COMMD5: variants seen among roughly 807,000 people sequenced by gnomAD.
COMMD5 encodes the protein COMM domain-containing protein 5.
A neutral mutation model predicts 6.9 loss-of-function variants in COMMD5; 10 were observed. That is an observed-to-expected ratio of 1.44 (90% CI 0.89 to 2.45). The LOEUF (loss-of-function observed/expected upper bound fraction) is 2.45, where lower values mean the gene tolerates loss of function less well. Ranked by LOEUF, COMMD5 falls within the 30% of genes most tolerant of loss-of-function variation. The pLI is 0.00. For missense variants in COMMD5, 234 were observed against 287.8 expected (o/e 0.81, Z 1.35); for synonymous variants, 127 against 125.3 (o/e 1.01, Z -0.09).
exon 2 of COMMD5, chr8:144,841,338 G>C (rs567693641): frequency 1.3e-6 from 2 of 1,589,628 alleles, no homozygotes; most frequent in Non-Finnish European, 1.7e-6. Context: ...GAACGTCTTT[G>C]TTCCTGTTTA....
intron 1 of COMMD5, chr8:144,842,397 G>C (rs1160628932): frequency 6.2e-7 from 1 of 1,613,924 alleles, no homozygotes; most frequent in Non-Finnish European, 8.5e-7. Flanking sequence ...GCCTGAGTCA[G>C]CATCAGCTGA....
chr8:144,847,854 CT>C (rs1830585986), downstream of COMMD5, among the ~76,000 whole-genome samples: 2 of 152,156 alleles, frequency 1.3e-5, no homozygotes, highest in South Asian at 4.1e-4. Context: ...TGTGCAAGGC[CT>C]TGTGCAAGCC....
At chr8:144,842,728 A>G (rs1259134652) in intron 1 of COMMD5, 1 of 1,614,150 alleles carries the variant, frequency 6.2e-7, no homozygotes, top group Admixed American at 1.7e-5. Context: ...CACACAGCTT[A>G]CAATACATCA....
chr8:144,842,673 G>A (rs781175829), intron 1 of COMMD5: 1 of 1,614,170 alleles, frequency 6.2e-7, no homozygotes, highest in Non-Finnish European at 8.5e-7. Flanking sequence ...ATAAAGGAGA[G>A]AAGCCCTACG....
rs1337902831 is a variant in COMMD5 at position 144,850,976 on chromosome 8, G to A, written c.363C>T (p.Asp121=). 3.1e-6 allele frequency: 5 copies of A among 1,611,956 alleles called. No individual in the cohort carries two copies. Among genetic ancestry groups the A allele is most frequent in the Non-Finnish European group, 4.2e-6 (5 of 1,179,548 alleles). Residue 121 remains aspartate (D), a synonymous_variant, in exon 2 of 2, where the codon GAC becomes GAT. Transcript: ENST00000305103. The surrounding 1 kb of genome is among the most constrained non-coding windows in gnomAD (Gnocchi z 4.0). The part of the protein sequence containing the change: ...DQLQELCIPQ[D]LVGDLASVVF... ...CCACGCTGGCCAAGTCCCCGACCAG[G>A]TCTTGGGGGATGCAGAGCTCCTGGA...
chr8:144,838,475 A>C (rs1829355610), downstream of COMMD5: 1 of 299,622 alleles, frequency 3.3e-6, no homozygotes, highest in African/African-American at 2.2e-5. Context: ...CAGCATGACA[A>C]GGGAGATGGG....
At chr8:144,841,216 C>G in exon 2 of COMMD5, 1 of 834,200 alleles carries the variant, frequency 1.2e-6, no homozygotes, top group Non-Finnish European at 1.9e-6. Context: ...TCTGCCTTCT[C>G]TTGCACGTTT....
intron 1 of COMMD5, among the ~76,000 whole-genome samples, chr8:144,851,912 C>T (rs1004824463): frequency 1.3e-5 from 2 of 152,094 alleles, no homozygotes; most frequent in Admixed American, 1.3e-4. Context: ...GTGAGGCCAG[C>T]GGATCGCTTG....
downstream of COMMD5, among the ~76,000 whole-genome samples, chr8:144,849,606 G>T (rs1209892): frequency 1.6e-4 from 25 of 151,884 alleles, no homozygotes; most frequent in African/African-American, 6.1e-4. Context: ...TCAGCTGGAA[G>T]CCAGCTGACC....
At chr8:144,841,934 A>T (rs1829976051) in intron 1 of COMMD5, 1 of 1,613,948 alleles carries the variant, frequency 6.2e-7, no homozygotes, top group African/African-American at 1.3e-5. Context: ...ACGGGAGAGA[A>T]ACCCTTTAAA....
At chr8:144,852,036 G>A (rs1212328161) in intron 1 of COMMD5, among the ~76,000 whole-genome samples, 4 of 151,968 alleles carry the variant, frequency 2.6e-5, no homozygotes, top group South Asian at 2.1e-4. Flanking sequence ...CTACTCAGAA[G>A]GCTGAGAGGA....
At chr8:144,849,874 A>G (rs1455413173), downstream of COMMD5, among the ~76,000 whole-genome samples, 1 of 151,658 alleles carries the variant, frequency 6.6e-6, no homozygotes, top group Non-Finnish European at 1.5e-5. Context: ...TCTGTCACTC[A>G]GAATTGAGCC....
intron 1 of COMMD5, among the ~76,000 whole-genome samples, chr8:144,844,948 G>A (rs1830431135): frequency 1.3e-5 from 2 of 151,854 alleles, no homozygotes; most frequent in Admixed American, 6.6e-5. Flanking sequence ...GGGGAAAAAC[G>A]ATGGTAGGGA....
In COMMD5 at chr8:144,851,050, G is replaced by GGGCC; in HGVS notation, c.285_288dup (p.Leu97GlyfsTer12). On this transcript the variant is annotated frameshift_variant, in exon 2 of 2. Coordinates refer to ENST00000305103, the MANE Select transcript of COMMD5 (RefSeq NM_014066.4). LOFTEE classifies it high-confidence loss of function. ...TTCAGGCTGGTGGGGGGCAGACGGA[G>GGGCC]GGCCTGCTGGAGCAGTGTGTGCATG... 6.2e-7 allele frequency: 1 copy of GGGCC among 1,612,504 alleles called. No homozygotes were observed. Among genetic ancestry groups the GGGCC allele is most frequent in the Non-Finnish European group, 8.5e-7 (1 of 1,179,810 alleles).
In COMMD5 at chr8:144,850,592, G is replaced by T; in HGVS notation, c.*72C>A. 2 of 1,519,044 alleles carry T rather than the reference G, an allele frequency of 1.3e-6. No individual in the cohort carries two copies. The highest frequency in any genetic ancestry group is 2.5e-5 in the South Asian group (2 of 80,492). The allele number at this position is 1,519,044 out of a possible 1,614,324, so 94.1% of individuals were successfully genotyped here. On this transcript the variant is annotated 3_prime_UTR_variant, in exon 2 of 2. Transcript: ENST00000305103. The surrounding 1 kb of genome is among the most constrained non-coding windows in gnomAD (Gnocchi z 4.0). ...GAAGGGCAGGGCTGTCGTGGGAAGA[G>T]TCAGCTGCACTTTGGCACCATCTCA...
intron 1 of COMMD5, chr8:144,852,344 A>G (rs1481259446): frequency 6.6e-6 from 1 of 152,498 alleles, no homozygotes; most frequent in African/African-American, 2.4e-5. Flanking sequence ...CTGGCAACAG[A>G]GGCAAGTGCG....
At chr8:144,852,510 ACT>A (rs1830792317) in intron 1 of COMMD5, 1 of 152,230 alleles carries the variant, frequency 6.6e-6, no homozygotes, top group African/African-American at 2.4e-5. Flanking sequence ...TTGTCAGGCC[ACT>A]CTGCACAGCG....
In COMMD5 at chr8:144,844,513, AT is replaced by A. The variant is rs540909850; in HGVS notation, c.*117-2771del. Among the ~76,000 whole-genome samples, 1,314 of 151,918 alleles carry A rather than the reference AT, an allele frequency of 8.6e-3. 17 individuals carry two copies. Among genetic ancestry groups the A allele is most frequent in the African/African-American group, 0.029 (1,216 of 41,418 alleles). On this transcript the variant is annotated intron_variant and NMD_transcript_variant, in intron 1 of 1. Coordinates refer to the COMMD5 transcript ENST00000530332. Reference sequence around the variant, plus strand: ...ATCATGAGGTCAGGAGATGAAGACCATCCTGGCTAACACAGTGAAACCCCGT... The same window carrying A: ...ATCATGAGGTCAGGAGATGAAGACCACCTGGCTAACACAGTGAAACCCCGT...
At chr8:144,844,906 A>G (rs541974183) in intron 1 of COMMD5, among the ~76,000 whole-genome samples, 2 of 151,264 alleles carry the variant, frequency 1.3e-5, no homozygotes, top group African/African-American at 4.9e-5. Flanking sequence ...GTGGGGAAAG[A>G]GGACTCTGGG....
Sources: gnomAD v4.1 joint callset for allele counts (sites outside exome capture counted in the v4.1 genomes callset) on GRCh38, gnomAD v4.1.1 for gene constraint, Gnocchi (gnomAD v3.1) non-coding constraint, MANE v1.5 for transcripts, NCBI Gene and HGNC (gene_info 2026-07-23, HGNC 2026-07-21) for gene names.